The following GALNT2 variants were observed in gnomAD, a reference collection of about 807,000 sequenced individuals.
GALNT2 encodes polypeptide N-acetylgalactosaminyltransferase 2, also known as UDP-GalNAc:polypeptide N-acetylgalactosaminyltransferase 2.
GALNT2 carries 31 observed loss-of-function variants against 81.4 expected under a neutral mutation model. The observed-to-expected ratio is 0.38, with a 90% confidence interval of 0.29 to 0.51. The LOEUF (loss-of-function observed/expected upper bound fraction) is 0.51. Ranked by LOEUF, GALNT2 falls within the 20% of genes least tolerant of loss-of-function variation. The pLI is 0.87. For missense variants in GALNT2, 629 were observed against 765.7 expected (o/e 0.82, Z 2.11); for synonymous variants, 303 against 287.4 (o/e 1.05, Z -0.55).
intron 3 of GALNT2, among the ~76,000 whole-genome samples, chr1:230,216,188 GCC>G (rs1272822769): frequency 6.6e-6 from 1 of 152,080 alleles, no homozygotes; most frequent in African/African-American, 2.4e-5. Flanking sequence ...CCATCACTTT[GCC>G]CCCCGTCGTG....
chr1:230,137,331 C>G (rs972949324), intron 1 of GALNT2, among the ~76,000 whole-genome samples: 1 of 152,156 alleles, frequency 6.6e-6, no homozygotes, highest in African/African-American at 2.4e-5. Flanking sequence ...TGGATATGGC[C>G]GAAGCCACTT....
Position 230,236,862 on chromosome 1 carries a change from G to A in GALNT2, c.607+137G>A, listed in dbSNP as rs1665049695. 4 of 712,988 alleles carry A rather than the reference G, an allele frequency of 5.6e-6. No homozygotes were observed. The South Asian group carries it at 9.1e-5, about 16-fold the overall frequency. The allele number at this position is 712,988 out of a possible 1,614,324, so 44.2% of individuals were successfully genotyped here. ...CTCCCTCTACCAGAGCCGCTTGGGA[G>A]ACTTCTCCCAGCAAACACAGGAAAG... On this transcript the variant is annotated intron_variant, in intron 6 of 15. Transcript: ENST00000366672.
At chr1:230,263,747 G>T (rs897885563) in intron 13 of GALNT2, 1 of 152,230 alleles carries the variant, frequency 6.6e-6, no homozygotes, top group Non-Finnish European at 1.5e-5. Flanking sequence ...CCTTAATGCG[G>T]CACATTCCTT....
rs111543538 is a variant in GALNT2 at position 230,267,693 on chromosome 1, G to A, written c.1440+2326G>A. On this transcript the variant is annotated intron_variant, in intron 14 of 15. Transcript: ENST00000366672. The stretch of plus-strand genomic sequence containing the variant: ...TCACCTGGAGGGAGGAACCCATACA[G>A]GGGGAGGGAAGAACAAACAGAGTGG... Among the ~76,000 whole-genome samples, 269 of 152,354 alleles carry A rather than the reference G, an allele frequency of 1.8e-3. 1 individual carries two copies. The highest frequency in any genetic ancestry group is 6.2e-3 in the African/African-American group (259 of 41,586).
intron 1 of GALNT2, among the ~76,000 whole-genome samples, chr1:230,138,171 T>C (rs1572007206): frequency 6.6e-6 from 1 of 152,314 alleles, no homozygotes; most frequent in East Asian, 1.9e-4. Flanking sequence ...TCTTGGATCT[T>C]GCACAAGAAA....
intron 14 of GALNT2, among the ~76,000 whole-genome samples, chr1:230,273,471 T>G (rs752966014): frequency 3.4e-4 from 52 of 152,216 alleles, no homozygotes; most frequent in Non-Finnish European, 6.6e-4. Flanking sequence ...GGAAAGGGCC[T>G]TGCTGCCCCT....
rs371448222 is a variant in GALNT2, at chr1:230,141,170, C to CA, written c.127-37047dup. Among the ~76,000 whole-genome samples, 245 of 152,284 alleles carry CA rather than the reference C, an allele frequency of 1.6e-3. 1 individual carries two copies. In the Middle Eastern group the frequency reaches 0.027, roughly 17 times the overall value. On this transcript the variant is annotated intron_variant, in intron 1 of 15. Transcript: ENST00000366672. ...AGGAACTGATTTATTTTGTTGGCAA[C>CA]ATTTGTTGACAGTGTGTCCTGGAGT...
chr1:230,141,008 A>G (rs929358093), intron 1 of GALNT2, among the ~76,000 whole-genome samples: 32 of 152,240 alleles, frequency 2.1e-4, no homozygotes, highest in African/African-American at 7.7e-4. Context: ...ATTCGTTGCA[A>G]ATGTGTGTCT....
At chr1:230,188,864 A>AT (rs1417256588) in intron 2 of GALNT2, among the ~76,000 whole-genome samples, 3 of 152,108 alleles carry the variant, frequency 2.0e-5, no homozygotes, top group Admixed American at 6.5e-5. Flanking sequence ...GAAGAATGTC[A>AT]TTTTTTCCCC....
In GALNT2 at chr1:230,280,183, G is replaced by T; in HGVS notation, c.*725G>T. The T allele has an allele frequency of 2.8e-6, 1 of 362,180 alleles. No individual in the cohort carries two copies. Among genetic ancestry groups the T allele is most frequent in the South Asian group, 2.1e-5 (1 of 47,234 alleles). The allele number at this position is 362,180 out of a possible 1,614,324, so 22.4% of individuals were successfully genotyped here. ...GGAGAAGGGGCCAGAGCCCGGTGGG[G>T]CCAGTTTCTCACAGAGGGAGGAGGT... On this transcript the variant is annotated 3_prime_UTR_variant, in exon 16 of 16. Transcript: ENST00000366672.
chr1:230,253,543 TTTTAA>T (rs1292560710), intron 10 of GALNT2, among the ~76,000 whole-genome samples: 21 of 152,356 alleles, frequency 1.4e-4, no homozygotes, highest in Non-Finnish European at 2.2e-4. Context: ...TTTTTACTTC[TTTTAA>T]TTTGTTAATT....
chr1:230,278,679 A>G (rs1473210080), intron 15 of GALNT2, among the ~76,000 whole-genome samples: 2 of 152,204 alleles, frequency 1.3e-5, no homozygotes, highest in African/African-American at 4.8e-5. Context: ...CAAGTTTCTC[A>G]TATCCACCAA....
chr1:230,269,522 G>T (rs1363632416), intron 14 of GALNT2, among the ~76,000 whole-genome samples: 1 of 152,094 alleles, frequency 6.6e-6, no homozygotes, highest in Non-Finnish European at 1.5e-5. Context: ...GATGCCAGGT[G>T]CTATGCCCAG....
chr1:230,083,345 C>G (rs528782337), intron 1 of GALNT2, among the ~76,000 whole-genome samples: 1 of 131,894 alleles, frequency 7.6e-6, no homozygotes, highest in Non-Finnish European at 1.6e-5. Context: ...GCAGGGGAGC[C>G]GGGATGAGGG....
intron 1 of GALNT2, among the ~76,000 whole-genome samples, chr1:230,069,257 G>GTTTGGTTTGT (rs1553309220): frequency 2.4e-5 from 3 of 124,842 alleles, no homozygotes; most frequent in African/African-American, 1.6e-4. Context: ...GTGATTCTTA[G>GTTTGGTTTGT]TTTGTTTTTT....
intron 9 of GALNT2, 114 bp from the exon 10 acceptor site, chr1:230,250,343 T>C: frequency 1.3e-6 from 1 of 756,896 alleles, no homozygotes; most frequent in East Asian, 2.7e-5. Flanking sequence ...GTGGCTGTTC[T>C]GAAGATCAGC....
intron 2 of GALNT2, among the ~76,000 whole-genome samples, chr1:230,185,301 T>TGTGTGCGCGCAC (rs58770415): frequency 1.6e-5 from 2 of 126,012 alleles, no homozygotes; most frequent in East Asian, 2.8e-4. Context: ...TGTGTGTGTG[T>TGTGTGCGCGCAC]GCGCGCGTGT....
chr1:230,236,561 G>T (rs866897282), intron 5 of GALNT2, 99 bp from the exon 6 acceptor site: 2 of 1,424,452 alleles, frequency 1.4e-6, no homozygotes, highest in African/African-American at 1.4e-5. Context: ...ATGCCCCAAG[G>T]AGATAATCGG....
chr1:230,121,852 A>AG (rs1661025462), intron 1 of GALNT2, among the ~76,000 whole-genome samples: 1 of 151,814 alleles, frequency 6.6e-6, no homozygotes, highest in Admixed American at 6.6e-5. Flanking sequence ...AGAAGAGGGG[A>AG]GGAGGGATTT....
Sources: gnomAD v4.1 joint callset for allele counts (sites outside exome capture counted in the v4.1 genomes callset) on GRCh38, gnomAD v4.1.1 for gene constraint, MANE v1.5 for transcripts, NCBI Gene and HGNC (gene_info 2026-07-23, HGNC 2026-07-21) for gene names.